RNF187: variants seen among roughly 807,000 people sequenced by gnomAD.
RNF187 encodes ring finger protein 187.
In RNF187, 18 loss-of-function variants were observed where a neutral mutation model predicts 22.2. The ratio of observed to expected loss-of-function variants is 0.81; its 90% confidence interval spans 0.56 to 1.20. The LOEUF (loss-of-function observed/expected upper bound fraction) is 1.20, where lower values mean the gene tolerates loss of function less well. RNF187 is among the 50% of genes most tolerant of loss of function. RNF187 has a pLI of 0.00. For synonymous variants in RNF187, 164 were observed against 140.9 expected (o/e 1.16, Z -1.16); for missense variants, 329 against 317.6 (o/e 1.04, Z -0.27).
Position 228,493,798 on chromosome 1 carries a change from G to T in RNF187, c.706-85G>T. 1 of 1,413,998 alleles carries T rather than the reference G, an allele frequency of 7.1e-7. No homozygotes were observed. Among genetic ancestry groups the T allele is most frequent in the Non-Finnish European group, 9.8e-7 (1 of 1,022,314 alleles). The allele number at this position is 1,413,998 out of a possible 1,614,324, so 87.6% of individuals were successfully genotyped here. A position where few individuals can be genotyped will look rare whatever the true frequency, so the allele number is the denominator to read the frequency against. On this transcript the variant is annotated intron_variant, in intron 3 of 3. Coordinates refer to ENST00000305943, the MANE Select transcript of RNF187 (RefSeq NM_001010858.3). This position sits in a 1 kb window ranked among gnomAD's most constrained non-coding sequence, Gnocchi z 4.7. The stretch of plus-strand genomic sequence containing the variant: ...CTGTCTCATGTGCGCTCTCTCTTTC[G>T]CTCTCTCCTTTTGCCTCTGTCTCTG...
Position 228,493,286 on chromosome 1 carries a change from C to T in RNF187, c.705+12C>T. On this transcript the variant is annotated intron_variant, in intron 3 of 3. Coordinates refer to ENST00000305943, the MANE Select transcript of RNF187 (RefSeq NM_001010858.3). This position sits in a 1 kb window ranked among gnomAD's most constrained non-coding sequence, Gnocchi z 4.7. ...GCATGCTGCTGCAGGTGCGGGAGCC[C>T]CGCTGGGTCTGCCCACCATCGGGCC... 1.9e-6 allele frequency: 3 copies of T among 1,547,044 alleles called. No homozygotes were observed. The South Asian group carries it at 3.6e-5, about 18-fold the overall frequency.
intron 1 of RNF187, 44 bp from the exon 2 acceptor site, chr1:228,488,916 C>T: frequency 2.7e-6 from 4 of 1,482,270 alleles, no homozygotes; most frequent in East Asian, 4.9e-5. Context: ...GGTTGGGGGA[C>T]CCAGAGCTTC....
At position 228,494,796 on chromosome 1, in the gene RNF187, A is replaced by T; in HGVS notation, c.*911A>T. 2 of 985,470 alleles carry T rather than the reference A, an allele frequency of 2.0e-6. No individual in the cohort carries two copies. The highest frequency in any genetic ancestry group is 2.4e-6 in the Non-Finnish European group (2 of 829,984). 61.0% of individuals were successfully genotyped at this position (985,470 alleles called of 1,614,324 possible). A position where few individuals can be genotyped will look rare whatever the true frequency, so the allele number is the denominator to read the frequency against. ...TGGGGACAGGATTGCAAAGTCGGGG[A>T]CATAGATGCAGACAGTTGTTGAGAT... On this transcript the variant is annotated 3_prime_UTR_variant, in exon 4 of 4. Transcript: ENST00000305943.
rs1397037967 is a variant in RNF187 at position 228,493,101 on chromosome 1, C to T, written c.532C>T (p.Leu178=). ...GAAGGCACTGACCGACTACAAGAAG[C>T]TGCGGGCCTTCTTTGTGGAGGAGGA... The change falls in exon 3 of 4, where the codon CTG becomes TTG. Residue 178 remains leucine (L), a synonymous_variant. Coordinates refer to ENST00000305943, the MANE Select transcript of RNF187 (RefSeq NM_001010858.3). This position sits in a 1 kb window ranked among gnomAD's most constrained non-coding sequence, Gnocchi z 4.7. 1.9e-6 allele frequency: 3 copies of T among 1,551,626 alleles called. No individual in the cohort carries two copies. The highest frequency in any genetic ancestry group is 1.2e-5 in the South Asian group (1 of 84,050).
Position 228,489,313 on chromosome 1 carries a change from C to CT in RNF187, c.483+271dup. 5.1e-3 allele frequency among the ~76,000 whole-genome samples: 770 copies of CT among 150,324 alleles called. 12 individuals carry two copies. Among genetic ancestry groups the CT allele is most frequent in the Admixed American group, 0.031 (460 of 15,068 alleles). ...TGTAGGTGATGGCAGCATCAGACTT[C>CT]TTTTTTTTTTCCCAAGAGACAGAGT... On this transcript the variant is annotated intron_variant, in intron 2 of 3. Transcript: ENST00000305943.
Position 228,487,792 on chromosome 1 carries a change from G to T in RNF187, c.304G>T (p.Gly102Cys). Residue 102 changes from glycine (G) to cysteine (C), a missense_variant, in exon 1 of 4, where the codon GGC becomes TGC. Transcript: ENST00000305943. ...GCAGCTGCTGTGCCGCGCCGACGCC[G>T]GCCCGCTCTGCGCCGCCTGCCGTAT... is the stretch of plus-strand genomic sequence containing the variant. 8.9e-7 allele frequency: 1 copy of T among 1,119,588 alleles called. No individual in the cohort carries two copies. The highest frequency in any genetic ancestry group is 1.1e-6 in the Non-Finnish European group (1 of 916,064). 69.4% of individuals were successfully genotyped at this position (1,119,588 alleles called of 1,614,324 possible). A position where few individuals can be genotyped will look rare whatever the true frequency, so the allele number is the denominator to read the frequency against.
chr1:228,493,392 G>C lies in RNF187; in HGVS notation c.705+118G>C. On this transcript the variant is annotated intron_variant, in intron 3 of 3. Coordinates refer to ENST00000305943, the MANE Select transcript of RNF187 (RefSeq NM_001010858.3). This position sits in a 1 kb window ranked among gnomAD's most constrained non-coding sequence, Gnocchi z 4.7. ...TTAAAAGCCCAGCCTGACTCCCACTGCCGTGGCCTTGCAGGGCTGAATTTC... is the reference window on the plus strand; with the variant it reads ...TTAAAAGCCCAGCCTGACTCCCACTCCCGTGGCCTTGCAGGGCTGAATTTC... 2 of 1,453,338 alleles carry C rather than the reference G, an allele frequency of 1.4e-6. No homozygotes were observed. The highest frequency in any genetic ancestry group is 9.1e-7 in the Non-Finnish European group (1 of 1,104,194). 90.0% of individuals were successfully genotyped at this position (1,453,338 alleles called of 1,614,324 possible). A position where few individuals can be genotyped will look rare whatever the true frequency, so the allele number is the denominator to read the frequency against.
chr1:228,493,246 G>A lies in RNF187; in HGVS notation c.677G>A (p.Arg226His), dbSNP rs1201648729. The change falls in exon 3 of 4, where the codon CGC becomes CAC. Residue 226 changes from arginine (R) to histidine (H), a missense_variant. Transcript: ENST00000305943. The surrounding 1 kb of genome is among the most constrained non-coding windows in gnomAD (Gnocchi z 4.7). Reference sequence around the variant, plus strand: ...GTCTCGGAGCTGGAGAAGAAGCATCGCAACCTGGGCCTCAGCATGCTGCTG... The same window carrying A: ...GTCTCGGAGCTGGAGAAGAAGCATCACAACCTGGGCCTCAGCATGCTGCTG... 9.7e-6 allele frequency: 15 copies of A among 1,550,918 alleles called. No individual in the cohort carries two copies. The highest frequency in any genetic ancestry group is 7.8e-5 in the Admixed American group (4 of 51,012).
chr1:228,493,365 G>T lies in RNF187; in HGVS notation c.705+91G>T. The stretch of plus-strand genomic sequence containing the variant: ...TGGGGGACCATTGCCCGAAGTCAAG[G>T]CTTAAAAGCCCAGCCTGACTCCCAC... On this transcript the variant is annotated intron_variant, in intron 3 of 3. Coordinates refer to ENST00000305943, the MANE Select transcript of RNF187 (RefSeq NM_001010858.3). This position sits in a 1 kb window ranked among gnomAD's most constrained non-coding sequence, Gnocchi z 4.7. 8 of 1,475,500 alleles carry T rather than the reference G, an allele frequency of 5.4e-6. No homozygotes were observed. Among genetic ancestry groups the T allele is most frequent in the Non-Finnish European group, 7.2e-6 (8 of 1,109,746 alleles). The allele number at this position is 1,475,500 out of a possible 1,614,324, so 91.4% of individuals were successfully genotyped here. A position where few individuals can be genotyped will look rare whatever the true frequency, so the allele number is the denominator to read the frequency against.
intron 2 of RNF187, among the ~76,000 whole-genome samples, chr1:228,490,596 G>C: frequency 6.6e-6 from 1 of 152,338 alleles, no homozygotes; most frequent in South Asian, 2.1e-4. Context: ...TGTTGCATCA[G>C]CCAGCCAGCA....
chr1:228,495,648 T>A lies in RNF187; in HGVS notation c.*1763T>A. The A allele has an allele frequency of 1.0e-6, 1 of 985,574 alleles. No homozygotes were observed. Among genetic ancestry groups the A allele is most frequent in the Non-Finnish European group, 1.2e-6 (1 of 829,924 alleles). The allele number at this position is 985,574 out of a possible 1,614,324, so 61.1% of individuals were successfully genotyped here. On this transcript the variant is annotated 3_prime_UTR_variant, in exon 4 of 4. Transcript: ENST00000305943. ...CTCCCACAACATCAGTGTCTCCACATCACCAGGTCCGACAGTGGCTTCACC... is the reference window on the plus strand; with the variant it reads ...CTCCCACAACATCAGTGTCTCCACAACACCAGGTCCGACAGTGGCTTCACC...
Position 228,495,180 on chromosome 1 carries a change from G to T in RNF187, c.*1295G>T. 2.2e-4 allele frequency: 78 copies of T among 355,136 alleles called. 1 individual carries two copies. Among genetic ancestry groups the T allele is most frequent in the African/African-American group, 1.7e-3 (76 of 45,366 alleles). The allele number at this position is 355,136 out of a possible 1,614,324, so 22.0% of individuals were successfully genotyped here. ...ACGTAGCAGGGCAGGGGTTGGAGGA[G>T]CGAGGAGCAGTATAGGGTCCATGGG... On this transcript the variant is annotated 3_prime_UTR_variant, in exon 4 of 4. Transcript: ENST00000305943.
chr1:228,492,797 G>T, intron 2 of RNF187, among the ~76,000 whole-genome samples: 1 of 150,766 alleles, frequency 6.6e-6, no homozygotes, highest in Non-Finnish European at 1.5e-5. Context: ...GCTCATTTTT[G>T]TATTTTTAGT....
In RNF187 at chr1:228,487,398, T is replaced by G; in HGVS notation, c.-91T>G. ...GTCCCCGGCGTTGGCGTCTTCGTCC[T>G]GTTGCTGGTCTCCGTCCGGTCGCCG... On this transcript the variant is annotated 5_prime_UTR_variant, in exon 1 of 4. Coordinates refer to ENST00000305943, the MANE Select transcript of RNF187 (RefSeq NM_001010858.3). 1 of 1,042,372 alleles carries G rather than the reference T, an allele frequency of 9.6e-7. No individual in the cohort carries two copies. Among genetic ancestry groups the G allele is most frequent in the Non-Finnish European group, 1.1e-6 (1 of 869,922 alleles). The allele number at this position is 1,042,372 out of a possible 1,614,324, so 64.6% of individuals were successfully genotyped here.
At position 228,493,813 on chromosome 1, in the gene RNF187, C is replaced by T; in HGVS notation, c.706-70C>T. ...TCTCTCTTTCGCTCTCTCCTTTTGC[C>T]TCTGTCTCTGACTCTGTGTGTCTCT... On this transcript the variant is annotated intron_variant, in intron 3 of 3. Coordinates refer to ENST00000305943, the MANE Select transcript of RNF187 (RefSeq NM_001010858.3). The surrounding 1 kb of genome is among the most constrained non-coding windows in gnomAD (Gnocchi z 4.7). 2 of 1,502,166 alleles carry T rather than the reference C, an allele frequency of 1.3e-6. No homozygotes were observed. Among genetic ancestry groups the T allele is most frequent in the Non-Finnish European group, 1.8e-6 (2 of 1,102,104 alleles). 93.1% of individuals were successfully genotyped at this position (1,502,166 alleles called of 1,614,324 possible).
chr1:228,495,025 C>G lies in RNF187; in HGVS notation c.*1140C>G. 1.0e-6 allele frequency: 1 copy of G among 985,742 alleles called. No homozygotes were observed. Among genetic ancestry groups the G allele is most frequent in the Admixed American group, 6.1e-5 (1 of 16,268 alleles). The allele number at this position is 985,742 out of a possible 1,614,324, so 61.1% of individuals were successfully genotyped here. A position where few individuals can be genotyped will look rare whatever the true frequency, so the allele number is the denominator to read the frequency against. On this transcript the variant is annotated 3_prime_UTR_variant, in exon 4 of 4. Coordinates refer to ENST00000305943, the MANE Select transcript of RNF187 (RefSeq NM_001010858.3). The stretch of plus-strand genomic sequence containing the variant: ...TGGCCTCTTCCCCCTGCCCTGGCCA[C>G]CCTCCAGTGTCAAAGGAAACTTCCT...
intron 2 of RNF187, among the ~76,000 whole-genome samples, chr1:228,492,269 C>G: frequency 1.3e-5 from 2 of 151,836 alleles, no homozygotes; most frequent in Non-Finnish European, 2.9e-5. Flanking sequence ...AGGCTAGTCT[C>G]GAACTCCTGG....
At position 228,495,748 on chromosome 1, in the gene RNF187, ATATT is replaced by A; in HGVS notation, c.*1867_*1870del. The A allele has an allele frequency of 4.5e-5, 44 of 984,572 alleles. No individual in the cohort carries two copies. In the East Asian group the frequency reaches 4.9e-3, roughly 109 times the overall value. 61.0% of individuals were successfully genotyped at this position (984,572 alleles called of 1,614,324 possible). ...ACCTCTTTCTATTTAAGAAAATTAT[ATATT>A]TATGGGGCACAGTGTGATGTTTTGA... On this transcript the variant is annotated 3_prime_UTR_variant, in exon 4 of 4. Transcript: ENST00000305943.
Position 228,487,869 on chromosome 1 carries a change from G to C in RNF187, c.381G>C (p.Leu127=), listed in dbSNP as rs61827301. ...GGGAACCGCGCTGGAGGAAGGCGCTGCGCGGCAAGGTGCGCGCCGCGGGGT... is the reference window on the plus strand; with the variant it reads ...GGGAACCGCGCTGGAGGAAGGCGCTCCGCGGCAAGGTGCGCGCCGCGGGGT... The change falls in exon 1 of 4, where the codon CTG becomes CTC. Residue 127 remains leucine (L), a synonymous_variant. Transcript: ENST00000305943. The C allele has an allele frequency of 0.099, 120,643 of 1,221,742 alleles. 6,334 individuals are homozygous for C. Among genetic ancestry groups the C allele is most frequent in the Non-Finnish European group, 0.11 (105,806 of 977,094 alleles). The allele number at this position is 1,221,742 out of a possible 1,614,324, so 75.7% of individuals were successfully genotyped here.
Sources: allele counts gnomAD v4.1 joint callset (sites outside exome capture counted in the v4.1 genomes callset), GRCh38; gene constraint gnomAD v4.1.1; non-coding constraint Gnocchi (gnomAD v3.1); transcripts MANE v1.5; gene names NCBI Gene and HGNC (gene_info 2026-07-23, HGNC 2026-07-21).